The following SGIP1 variants were observed in gnomAD, a reference collection of about 807,000 sequenced individuals.
The protein encoded by SGIP1 is SH3GL interacting endocytic adaptor 1.
In SGIP1, 38 loss-of-function variants were observed where a neutral mutation model predicts 107.5. That is an observed-to-expected ratio of 0.35 (90% confidence interval 0.27 to 0.46). SGIP1 has a LOEUF of 0.46. Ranked by LOEUF, SGIP1 falls within the 20% of genes least tolerant of loss-of-function variation. The pLI, the probability that SGIP1 is intolerant of heterozygous loss-of-function variation, is 1.00. For synonymous variants in SGIP1, 365 were observed against 366.1 expected (o/e 1.00, Z 0.03); for missense variants, 929 against 1,019.5 (o/e 0.91, Z 1.21).
upstream of SGIP1, chr1:66,534,084 A>T (rs2053003479): frequency 1.8e-6 from 1 of 561,204 alleles, no homozygotes; most frequent in African/African-American, 1.9e-5. Context: ...CCAAAGCTGA[A>T]GGGATTGGCC....
chr1:66,538,325 A>C (rs1257885721), intron 1 of SGIP1, among the ~76,000 whole-genome samples: 1 of 152,164 alleles, frequency 6.6e-6, no homozygotes, highest in Non-Finnish European at 1.5e-5. Flanking sequence ...AAATGATGAA[A>C]TTACTTTAGA....
In SGIP1 at chr1:66,582,528, A is replaced by AT. The variant is rs34654467; in HGVS notation, c.11-43307dup. On this transcript the variant is annotated intron_variant, in intron 1 of 24. Coordinates refer to ENST00000371037, the MANE Select transcript of SGIP1 (RefSeq NM_032291.4). ...AAATACACTTCAGTGGCTGAAGATG[A>AT]TTTTTTTTTTTTGTAAAGGGCTTTG... Among the ~76,000 whole-genome samples the AT allele has an allele frequency of 1.5e-3, 220 of 146,090 alleles. 1 individual carries two copies. The highest frequency in any genetic ancestry group is 0.011 in the Middle Eastern group (3 of 276).
Position 66,661,406 on chromosome 1 carries a change from C to T in SGIP1, c.471+882C>T, listed in dbSNP as rs529974204. ...TTCCCGCTGACCAAATCCTGGCAGC[C>T]ACTGCACCACATACAGGATACTGTG... On this transcript the variant is annotated intron_variant, in intron 8 of 24. Transcript: ENST00000371037. Among the ~76,000 whole-genome samples the T allele has an allele frequency of 2.6e-5, 4 of 152,248 alleles. No individual in the cohort carries two copies. The South Asian group carries it at 8.3e-4, about 32-fold the overall frequency.
In SGIP1 at chr1:66,690,176, TCTTCTC is replaced by T; in HGVS notation, c.1444-10_1444-5del. On this transcript the variant is annotated splice_region_variant and splice_polypyrimidine_tract_variant and intron_variant, in intron 16 of 24. Transcript: ENST00000371037. ...TGTGTATCTAACTTTTCATCTCTTTTCTTCTCCTTACAGTCCAGACCTTTTAGCCCT... is the reference window on the plus strand; with the variant it reads ...TGTGTATCTAACTTTTCATCTCTTTTCTTACAGTCCAGACCTTTTAGCCCT... 6.2e-7 allele frequency: 1 copy of T among 1,600,570 alleles called. No homozygotes were observed. Among genetic ancestry groups the T allele is most frequent in the Admixed American group, 1.7e-5 (1 of 58,106 alleles).
intron 2 of SGIP1, among the ~76,000 whole-genome samples, chr1:66,629,744 G>T (rs1372551400): frequency 3.3e-5 from 5 of 152,178 alleles, no homozygotes; most frequent in Non-Finnish European, 4.4e-5. Flanking sequence ...ATTAGAGGGG[G>T]TTAGAAAGTG....
chr1:66,672,479 G>C (rs1436100294), intron 11 of SGIP1, among the ~76,000 whole-genome samples: 4 of 152,082 alleles, frequency 2.6e-5, no homozygotes, highest in African/African-American at 9.7e-5. Flanking sequence ...AAATGGCATT[G>C]TTTTATAAAA....
chr1:66,601,089 C>A (rs1031288736), intron 1 of SGIP1, among the ~76,000 whole-genome samples: 17 of 152,192 alleles, frequency 1.1e-4, no homozygotes, highest in Middle Eastern at 6.8e-3. Context: ...AAAGGCCGGG[C>A]GCGGTGGCTC....
At chr1:66,692,183 G>A (rs1300384902) in intron 17 of SGIP1, among the ~76,000 whole-genome samples, 13 of 150,748 alleles carry the variant, frequency 8.6e-5, no homozygotes, top group Non-Finnish European at 1.5e-5. Flanking sequence ...AAGAGAGAGA[G>A]AGAATTTGAA....
chr1:66,662,063 C>T (rs568620618), intron 8 of SGIP1, among the ~76,000 whole-genome samples: 11 of 152,214 alleles, frequency 7.2e-5, no homozygotes, highest in African/African-American at 2.6e-4. Flanking sequence ...ATGTAGTCGA[C>T]CCAAGTTTAA....
chr1:66,608,045 G>A (rs528233137), intron 1 of SGIP1, among the ~76,000 whole-genome samples: 1 of 152,194 alleles, frequency 6.6e-6, no homozygotes, highest in Non-Finnish European at 1.5e-5. Flanking sequence ...CACCCATCCA[G>A]ACAGCGTGAA....
At chr1:66,702,479 G>A (rs1410440731) in intron 18 of SGIP1, among the ~76,000 whole-genome samples, 1 of 152,158 alleles carries the variant, frequency 6.6e-6, no homozygotes, top group Admixed American at 6.5e-5. Flanking sequence ...AAATTGATAA[G>A]ATGCATTGTT....
chr1:66,560,442 T>C (rs1363907593), intron 1 of SGIP1, among the ~76,000 whole-genome samples: 1 of 152,058 alleles, frequency 6.6e-6, no homozygotes, highest in Non-Finnish European at 1.5e-5. Flanking sequence ...TCATGATTGA[T>C]TTTTGCCAGC....
At chr1:66,720,449 T>G (rs2454325) in intron 19 of SGIP1, among the ~76,000 whole-genome samples, 133 of 152,288 alleles carry the variant, frequency 8.7e-4, no homozygotes, top group African/African-American at 3.2e-3. Context: ...AACTGGAGAC[T>G]AGGCATGGTG....
At chr1:66,692,634 G>A (rs1256230997) in intron 17 of SGIP1, among the ~76,000 whole-genome samples, 2 of 152,196 alleles carry the variant, frequency 1.3e-5, no homozygotes, top group African/African-American at 4.8e-5. Context: ...CAAATGGTGT[G>A]AGGGAGGTAG....
At chr1:66,593,622 G>A (rs2064061386) in intron 1 of SGIP1, among the ~76,000 whole-genome samples, 1 of 152,154 alleles carries the variant, frequency 6.6e-6, no homozygotes, top group Non-Finnish European at 1.5e-5. Context: ...AAGAGACCCA[G>A]CTTAGCAGGC....
Position 66,719,383 on chromosome 1 carries a change from T to A in SGIP1, c.1720T>A (p.Phe574Ile), listed in dbSNP as rs747652752. The part of the protein sequence containing the change: ...AAFTETVNAY[F>I]KGADPSKCIV... ...ATTTACAGAAACAGTCAATGCCTAT[T>A]TCAAAGGAGCAGACCCAAGCAAGTA... Residue 574 changes from phenylalanine (F) to isoleucine (I), a missense_variant, in exon 19 of 25, where the codon TTC (phenylalanine) becomes ATC (isoleucine). By Grantham distance (21) the Phe-to-Ile change is conservative (BLOSUM62 0). This residue lies in a region of SGIP1 where 341 missense variants were observed against 430.9 expected (regional missense o/e 0.79). Transcript: ENST00000371037. 31 of 1,613,406 alleles carry A rather than the reference T, an allele frequency of 1.9e-5. 1 individual carries two copies. In the South Asian group the frequency reaches 3.1e-4, roughly 16 times the overall value.
chr1:66,680,334 T>G (rs2086395266), intron 14 of SGIP1, among the ~76,000 whole-genome samples: 1 of 152,350 alleles, frequency 6.6e-6, no homozygotes, highest in Non-Finnish European at 1.5e-5. Context: ...ACCTTTACCA[T>G]CTATTAAAAT....
intron 18 of SGIP1, among the ~76,000 whole-genome samples, chr1:66,706,240 C>G (rs1283723031): frequency 6.7e-6 from 1 of 149,286 alleles, no homozygotes; most frequent in African/African-American, 2.4e-5. Flanking sequence ...TTTGGTCACT[C>G]ATCTTTATTA....
intron 19 of SGIP1, among the ~76,000 whole-genome samples, chr1:66,726,485 A>G (rs1034705141): frequency 1.3e-5 from 2 of 152,256 alleles, no homozygotes; most frequent in Non-Finnish European, 1.5e-5. Context: ...CAGAACTATC[A>G]TAAAGCTACT....
Sources: gnomAD v4.1 joint callset for allele counts (sites outside exome capture counted in the v4.1 genomes callset) on GRCh38, gnomAD v4.1.1 for gene constraint, gnomAD v4.1.1 regional missense constraint, MANE v1.5 for transcripts, NCBI Gene and HGNC (gene_info 2026-07-23, HGNC 2026-07-21) for gene names.